KDM5C: variants seen among roughly 807,000 people sequenced by gnomAD.
The protein encoded by KDM5C is lysine demethylase 5C, also known as lysine-specific demethylase 5C.
Under a neutral mutation model 110.6 loss-of-function variants are expected in KDM5C, and 16 were observed. That is an observed-to-expected ratio of 0.14 (90% confidence interval 0.10 to 0.22). The LOEUF (loss-of-function observed/expected upper bound fraction) is 0.22. Ranked by LOEUF, KDM5C falls within the 10% of genes least tolerant of loss-of-function variation. The pLI is 1.00. For synonymous variants in KDM5C, 511 were observed against 520.4 expected, an observed-to-expected ratio of 0.98 and a Z score of 0.24; for missense variants, 681 against 1,300.9, an observed-to-expected ratio of 0.52 and a Z score of 7.33.
Position 53,194,206 on chromosome X carries a change from G to A in KDM5C, c.3971C>T (p.Pro1324Leu). The A allele has an allele frequency of 8.3e-7, 1 of 1,211,048 alleles. No individual in the cohort carries two copies. Among genetic ancestry groups the A allele is most frequent in the South Asian group, 1.8e-5 (1 of 56,787 alleles). ...AGCAGGGGCTGCAGGGTAGTTAGGA[G>A]GCTCCTCAGGTCTAGGTTCAGCCTG... is the stretch of plus-strand genomic sequence containing the variant. ...RLQAEPRPEE[P>L]PNYPAAPASD... is the part of the protein sequence containing the mutation. The change falls in exon 23 of 26, where the codon CCT becomes CTT. Residue 1324 changes from proline (P) to leucine (L), a missense_variant. By Grantham distance (98) the Pro-to-Leu change is moderately conservative. Around this residue, in one of 14 missense-constraint regions of KDM5C, gnomAD observed 88 missense variants for 85.6 expected, o/e 1.03. Transcript: ENST00000375401.
At chrX:53,200,098 AG>A (rs1308068368) in intron 14 of KDM5C, among the ~76,000 whole-genome samples, 1 of 111,943 alleles carries the variant, frequency 8.9e-6, no homozygotes, top group Non-Finnish European at 1.9e-5. Context: ...CTCAGCACTT[AG>A]ATTCAGTGTT....
chrX:53,187,083 G>T (rs1314473570), downstream of KDM5C, among the ~76,000 whole-genome samples: 1 of 111,750 alleles, frequency 8.9e-6, no homozygotes, highest in Non-Finnish European at 1.9e-5. Flanking sequence ...TTGCCCAATG[G>T]ATTCCTGAAC....
rs146836963 is a variant in KDM5C, at chrX:53,192,861, A to ACCCCCCCCCCCCGCCCC, written c.*105_*106insGGGGCGGGGGGGGGGGG. On this transcript the variant is annotated 3_prime_UTR_variant, in exon 26 of 26. Transcript: ENST00000375401. ...GGGTGGGCGGGTAGCAGGGATGGCC[A>ACCCCCCCCCCCCGCCCC]CCCCCCTACCCGCCCACCCCCCAAG... 1 of 458,959 alleles carries ACCCCCCCCCCCCGCCCC rather than the reference A, an allele frequency of 2.2e-6. No homozygotes were observed. Among genetic ancestry groups the ACCCCCCCCCCCCGCCCC allele is most frequent in the Non-Finnish European group, 3.2e-6 (1 of 316,170 alleles). The allele number at this position is 458,959 out of a possible 1,213,427, so 37.8% of individuals were successfully genotyped here. A position where few individuals can be genotyped will look rare whatever the true frequency, so the allele number is the denominator to read the frequency against.
rs1387097413 is a variant in KDM5C at position 53,214,867 on chromosome X, A to G, written c.964-20T>C. 1.7e-6 allele frequency: 2 copies of G among 1,207,950 alleles called. No homozygotes were observed. Among genetic ancestry groups the G allele is most frequent in the Non-Finnish European group, 2.2e-6 (2 of 892,705 alleles). Reference sequence around the variant, plus strand: ...CTCAATCTGCCAGGGGAGAAGAGCAAAAGTTCTCCATTGGAAATCCACTGT... The same window carrying G: ...CTCAATCTGCCAGGGGAGAAGAGCAGAAGTTCTCCATTGGAAATCCACTGT... On this transcript the variant is annotated intron_variant, in intron 7 of 25. Transcript: ENST00000375401.
At chrX:53,219,741 G>A (rs1009039136) in intron 2 of KDM5C, among the ~76,000 whole-genome samples, 1 of 112,427 alleles carries the variant, frequency 8.9e-6, no homozygotes, top group Non-Finnish European at 1.9e-5. Flanking sequence ...AACTCTCAAA[G>A]GGCAAGGAAG....
At chrX:53,198,699 T>A (rs2146849821) in intron 16 of KDM5C, 62 bp from the exon 17 acceptor site, 2 of 1,209,117 alleles carry the variant, frequency 1.7e-6, no homozygotes, top group East Asian at 5.9e-5. Context: ...AGGAAGGGGG[T>A]CAGAGTACAG....
chrX:53,209,090 T>C (rs1329036105), intron 12 of KDM5C, among the ~76,000 whole-genome samples: 1 of 111,121 alleles, frequency 9.0e-6, no homozygotes, highest in Non-Finnish European at 1.9e-5. Flanking sequence ...GTGCTGGGAT[T>C]ACAGGCGTGA....
At chrX:53,201,430 G>T in intron 14 of KDM5C, 120 bp downstream of exon 14, 1 of 670,176 alleles carries the variant, frequency 1.5e-6, no homozygotes, top group Non-Finnish European at 2.4e-6. Flanking sequence ...GTTTTCAATC[G>T]AGATGCATCT....
At chrX:53,221,940 C>A in intron 1 of KDM5C, 1 of 278,380 alleles carries the variant, frequency 3.6e-6, no homozygotes, top group South Asian at 3.4e-5. Context: ...CACCCCTTTC[C>A]AACCTCCTAT....
chrX:53,191,745 T>C (rs185115468), downstream of KDM5C: 229 of 154,481 alleles, frequency 1.5e-3, 1 homozygote, highest in Non-Finnish European at 2.3e-3. Context: ...TTAAGCAGTA[T>C]ATAATCAGAT....
intron 5 of KDM5C, among the ~76,000 whole-genome samples, chrX:53,216,441 T>G (rs1321775666): frequency 8.9e-6 from 1 of 112,211 alleles, no homozygotes; most frequent in African/African-American, 3.2e-5. Context: ...AAAATGAGAA[T>G]ATTACCTCCT....
chrX:53,216,238 G>A (rs922648299), intron 5 of KDM5C, 41 bp from the exon 6 acceptor site: 1 of 1,206,048 alleles, frequency 8.3e-7, no homozygotes, highest in African/African-American at 1.7e-5. Context: ...TGCTATCTGG[G>A]GCAGACTGTC....
chrX:53,218,179 C>T (rs2146952011), intron 3 of KDM5C, 97 bp downstream of exon 3: 2 of 1,040,933 alleles, frequency 1.9e-6, no homozygotes, highest in Non-Finnish European at 2.7e-6. Flanking sequence ...CCTTCCATTG[C>T]AGCCTAAAGA....
intron 17 of KDM5C, 121 bp from the exon 18 acceptor site, chrX:53,197,997 T>C (rs1383501068): frequency 1.1e-5 from 6 of 548,439 alleles, no homozygotes; most frequent in Non-Finnish European, 3.1e-6. Context: ...TATTTCAAAT[T>C]TGCCCCAATT....
At chrX:53,206,519 T>C (rs782349735) in intron 12 of KDM5C, among the ~76,000 whole-genome samples, 5 of 111,080 alleles carry the variant, frequency 4.5e-5, no homozygotes, top group Non-Finnish European at 9.4e-5. Flanking sequence ...AAAGCGAAAA[T>C]CATTCTAGAC....
intron 2 of KDM5C, among the ~76,000 whole-genome samples, chrX:53,219,391 T>C (rs2073837914): frequency 8.9e-6 from 1 of 112,430 alleles, no homozygotes; most frequent in African/African-American, 3.2e-5. Context: ...ATGCTATAAC[T>C]ATAGACAGAA....
In KDM5C at chrX:53,192,875, C is replaced by CA; in HGVS notation, c.*91_*92insT. 1.0e-6 allele frequency: 1 copy of CA among 978,763 alleles called. No individual in the cohort carries two copies. Among genetic ancestry groups the CA allele is most frequent in the Non-Finnish European group, 1.3e-6 (1 of 743,110 alleles). The allele number at this position is 978,763 out of a possible 1,213,427, so 80.7% of individuals were successfully genotyped here. A position where few individuals can be genotyped will look rare whatever the true frequency, so the allele number is the denominator to read the frequency against. On this transcript the variant is annotated 3_prime_UTR_variant, in exon 26 of 26. Coordinates refer to ENST00000375401, the MANE Select transcript of KDM5C (RefSeq NM_004187.5). ...CAGGGATGGCCACCCCCCTACCCGC[C>CA]CACCCCCCAAGAAGCAGGCTTGATG...
intron 18 of KDM5C, 58 bp from the exon 19 acceptor site, chrX:53,197,102 C>T: frequency 4.4e-6 from 4 of 905,180 alleles, no homozygotes; most frequent in Non-Finnish European, 6.3e-6. Flanking sequence ...AGGGGTTCCA[C>T]CACCAGATGG....
At chrX:53,203,700 C>G (rs2073223394) in intron 12 of KDM5C, among the ~76,000 whole-genome samples, 1 of 110,346 alleles carries the variant, frequency 9.1e-6, no homozygotes. Context: ...GTTTATTTCT[C>G]CCTGCCTAGC....
Sources: gnomAD v4.1 joint callset for allele counts (sites outside exome capture counted in the v4.1 genomes callset) on GRCh38, gnomAD v4.1.1 for gene constraint, gnomAD v4.1.1 regional missense constraint, MANE v1.5 for transcripts, NCBI Gene and HGNC (gene_info 2026-07-23, HGNC 2026-07-21) for gene names.